The following PTK2B variants were observed in gnomAD, a reference collection of about 807,000 sequenced individuals.
PTK2B encodes the protein protein tyrosine kinase 2 beta.
In PTK2B, 71 loss-of-function variants were observed where a neutral mutation model predicts 142.9. The ratio of observed to expected loss-of-function variants is 0.50; its 90% CI spans 0.41 to 0.61. PTK2B has a LOEUF of 0.61. Among genes scored for constraint, PTK2B ranks in the 20% least tolerant of loss-of-function variants. The pLI, the probability that PTK2B is intolerant of heterozygous loss-of-function variation, is 0.00. For synonymous variants in PTK2B, 519 were observed against 503.4 expected (o/e 1.03, Z -0.42); for missense variants, 1,105 against 1,320.4 (o/e 0.84, Z 2.53).
At chr8:27,407,817 A>G (rs975649471) in intron 2 of PTK2B, among the ~76,000 whole-genome samples, 9 of 152,178 alleles carry the variant, frequency 5.9e-5, no homozygotes, top group African/African-American at 2.2e-4. Context: ...CCCCTTACCC[A>G]TCACAATGCT....
Position 27,446,670 on chromosome 8 carries a change from A to G in PTK2B, c.2340+751A>G, listed in dbSNP as rs570311514. ...TCTATTTTACTAAACCAACTAAAAC[A>G]CTTATTTTAGCTCTAACTCTGCATG... On this transcript the variant is annotated intron_variant, in intron 24 of 30. Transcript: ENST00000346049. Among the ~76,000 whole-genome samples the G allele has an allele frequency of 5.9e-5, 9 of 152,236 alleles. No homozygotes were observed. The South Asian group carries it at 1.7e-3, about 28-fold the overall frequency.
chr8:27,431,284 A>G, intron 8 of PTK2B, 114 bp from the exon 9 acceptor site: 2 of 1,572,554 alleles, frequency 1.3e-6, no homozygotes, highest in Non-Finnish European at 1.7e-6. Context: ...GGTGAGAAGG[A>G]GCTGGAGACC....
chr8:27,396,218 T>A (rs1808042145), intron 1 of PTK2B: 1 of 152,234 alleles, frequency 6.6e-6, no homozygotes, highest in Non-Finnish European at 1.5e-5. Flanking sequence ...AATGGCTCTT[T>A]GAAGCTAATG....
At chr8:27,446,002 G>T in intron 24 of PTK2B, 83 bp downstream of exon 24, 1 of 1,572,964 alleles carries the variant, frequency 6.4e-7, no homozygotes. Flanking sequence ...GAAACCCCAC[G>T]TCCTCAGCTC....
Position 27,458,541 on chromosome 8 carries a change from C to T in PTK2B, c.*32C>T, listed in dbSNP as rs865942806. The T allele has an allele frequency of 5.7e-5, 88 of 1,544,020 alleles. No homozygotes were observed. The highest frequency in any genetic ancestry group is 7.0e-5 in the Non-Finnish European group (80 of 1,143,388). On this transcript the variant is annotated 3_prime_UTR_variant, in exon 31 of 31. Transcript: ENST00000346049. Reference sequence around the variant, plus strand: ...GTGGGGGCCACCTGCCTGCGTCTTCCGCCCCTGCCTGCCATGTACCTCCCC... The same window carrying T: ...GTGGGGGCCACCTGCCTGCGTCTTCTGCCCCTGCCTGCCATGTACCTCCCC...
upstream of PTK2B, chr8:27,311,301 A>T (rs1802957240): frequency 1.4e-6 from 2 of 1,434,360 alleles, no homozygotes; most frequent in Middle Eastern, 2.6e-4. Context: ...CCCGGCTGCC[A>T]ACGCCCGCGA....
At chr8:27,417,015 G>A (rs896957922) in intron 2 of PTK2B, among the ~76,000 whole-genome samples, 1 of 152,146 alleles carries the variant, frequency 6.6e-6, no homozygotes, top group East Asian at 1.9e-4. Context: ...ATATAAAATG[G>A]AATAATCCTG....
intron 3 of PTK2B, among the ~76,000 whole-genome samples, chr8:27,317,612 G>C (rs377507619): frequency 2.6e-5 from 4 of 151,900 alleles, no homozygotes; most frequent in Admixed American, 2.6e-4. Context: ...CTGCCTTTGC[G>C]TTTTGAAAAA....
At chr8:27,432,427 C>G (rs763183706) in intron 10 of PTK2B, 66 bp downstream of exon 10, 1 of 1,475,504 alleles carries the variant, frequency 6.8e-7, no homozygotes, top group East Asian at 2.4e-5. Context: ...ATTGGGAGCT[C>G]TTGCTCAGAC....
At chr8:27,326,617 G>T (rs944982487) in intron 1 of PTK2B, among the ~76,000 whole-genome samples, 1 of 152,228 alleles carries the variant, frequency 6.6e-6, no homozygotes, top group Non-Finnish European at 1.5e-5. Flanking sequence ...AGTGCACGTG[G>T]TGTGATGTGG....
chr8:27,435,234 G>C (rs764720666), intron 13 of PTK2B, among the ~76,000 whole-genome samples: 11 of 152,204 alleles, frequency 7.2e-5, no homozygotes, highest in African/African-American at 2.4e-4. Context: ...GTGGGCTCAC[G>C]TGATGAACAG....
At position 27,437,380 on chromosome 8, in the gene PTK2B, C is replaced by A. The variant is rs756017901; in HGVS notation, c.1427-16C>A. 3.1e-6 allele frequency: 5 copies of A among 1,603,440 alleles called. No homozygotes were observed. The highest frequency in any genetic ancestry group is 1.1e-5 in the South Asian group (1 of 89,762). ...TGAGCCGCTCCACCTGTCCCTCTTGCCCCACCACACTGCAGTGATCATGAA... is the reference window on the plus strand; with the variant it reads ...TGAGCCGCTCCACCTGTCCCTCTTGACCCACCACACTGCAGTGATCATGAA... On this transcript the variant is annotated splice_polypyrimidine_tract_variant and intron_variant, in intron 16 of 30. Coordinates refer to ENST00000346049, the MANE Select transcript of PTK2B (RefSeq NM_173176.3).
At chr8:27,371,443 C>T (rs555870280) in intron 1 of PTK2B, among the ~76,000 whole-genome samples, 65 of 152,116 alleles carry the variant, frequency 4.3e-4, no homozygotes, top group African/African-American at 1.4e-3. Context: ...CTCAGCTCTA[C>T]CATTTCTTAG....
chr8:27,363,466 A>G lies in PTK2B; in HGVS notation c.-37-34082A>G, dbSNP rs147754792. ...TAATTAGAGCTCCGAGCAATGGGACAGGTTGCAGAAATGTTGAGAGAGTGA... is the reference window on the plus strand; with the variant it reads ...TAATTAGAGCTCCGAGCAATGGGACGGGTTGCAGAAATGTTGAGAGAGTGA... On this transcript the variant is annotated intron_variant, in intron 1 of 30. Coordinates refer to ENST00000346049, the MANE Select transcript of PTK2B (RefSeq NM_173176.3). This position sits in a 1 kb window ranked among gnomAD's most constrained non-coding sequence, Gnocchi z 4.3. Among the ~76,000 whole-genome samples, 27 of 152,284 alleles carry G rather than the reference A, an allele frequency of 1.8e-4. No individual in the cohort carries two copies. The highest frequency in any genetic ancestry group is 2.9e-4 in the Non-Finnish European group (20 of 68,014).
chr8:27,391,154 C>G (rs113799203), intron 1 of PTK2B, among the ~76,000 whole-genome samples: 72 of 150,386 alleles, frequency 4.8e-4, no homozygotes, highest in African/African-American at 1.7e-3. Context: ...AATCTCGGCT[C>G]GGTGCAATCT....
chr8:27,374,031 G>T (rs1409503217), intron 1 of PTK2B, among the ~76,000 whole-genome samples: 3 of 151,990 alleles, frequency 2.0e-5, no homozygotes, highest in African/African-American at 7.3e-5. Context: ...CCAAAGCAGT[G>T]AGAAAGCAGG....
Position 27,453,311 on chromosome 8 carries a change from C to T in PTK2B, c.2595+151C>T, listed in dbSNP as rs41308876. On this transcript the variant is annotated intron_variant, in intron 28 of 30. Transcript: ENST00000346049. Reference sequence around the variant, plus strand: ...AAGCCCGGGGTTAGGGGGCGGGTGGCGGGGTGCCTTGCCTAAGGCCACACA... The same window carrying T: ...AAGCCCGGGGTTAGGGGGCGGGTGGTGGGGTGCCTTGCCTAAGGCCACACA... 10,079 of 981,540 alleles carry T rather than the reference C, an allele frequency of 0.01. 79 individuals carry two copies. The highest frequency in any genetic ancestry group is 0.013 in the Non-Finnish European group (8,829 of 659,112). 60.8% of individuals were successfully genotyped at this position (981,540 alleles called of 1,614,324 possible).
Position 27,445,543 on chromosome 8 carries a change from G to A in PTK2B, c.2215-251G>A, listed in dbSNP as rs532584411. The stretch of plus-strand genomic sequence containing the variant: ...GAAGAGCCCTGGTCTCAGTGGGTCC[G>A]TAACCAGCATGGACCCCACTGTGTG... On this transcript the variant is annotated intron_variant, in intron 23 of 30. Coordinates refer to ENST00000346049, the MANE Select transcript of PTK2B (RefSeq NM_173176.3). 5.3e-5 allele frequency among the ~76,000 whole-genome samples: 8 copies of A among 152,320 alleles called. No homozygotes were observed. In the South Asian group the frequency reaches 6.2e-4, roughly 12 times the overall value.
intron 13 of PTK2B, 147 bp downstream of exon 13, chr8:27,434,706 A>G (rs1810666130): frequency 4.1e-6 from 4 of 981,238 alleles, no homozygotes; most frequent in Admixed American, 4.8e-5. Flanking sequence ...TGGCTTTAAA[A>G]TATCGTGAAT....
Sources: allele counts gnomAD v4.1 joint callset (sites outside exome capture counted in the v4.1 genomes callset), GRCh38; gene constraint gnomAD v4.1.1; non-coding constraint Gnocchi (gnomAD v3.1); transcripts MANE v1.5; gene names NCBI Gene and HGNC (gene_info 2026-07-23, HGNC 2026-07-21).